The following AATK variants were observed in gnomAD, a reference collection of about 807,000 sequenced individuals.
AATK encodes the protein serine/threonine-protein kinase LMTK1.
AATK carries 91 observed loss-of-function variants against 114.3 expected under a neutral mutation model. That is an observed-to-expected ratio of 0.80 (90% CI 0.67 to 0.95). AATK has a LOEUF of 0.95. Among genes scored for constraint, AATK ranks in the 40% least tolerant of loss-of-function variants. The probability of loss-of-function intolerance (pLI) is 0.00; values close to 1 mark genes in which losing one functional copy is unlikely to be tolerated. For missense variants in AATK, 2,176 were observed against 1,965.2 expected, an observed-to-expected ratio of 1.11 and a Z score of -2.03; for synonymous variants, 1,075 against 916.5, an observed-to-expected ratio of 1.17 and a Z score of -3.12.
At position 81,131,185 on chromosome 17, in the gene AATK, C is replaced by G; in HGVS notation, c.210G>C (p.Gly70=). ...IGFKEFENAE[G]DEYAADLAQG... ...GCGCCAGGTCGGCTGCGTACTCGTC[C>G]CCCTCCGCATTCTCAAACTCCTGCG... is the stretch of plus-strand genomic sequence containing the variant. Residue 70 remains glycine (G), a synonymous_variant, in exon 3 of 14, where the codon GGG becomes GGC. Transcript: ENST00000326724. The G allele has an allele frequency of 6.3e-7, 1 of 1,581,350 alleles. No homozygotes were observed. Among genetic ancestry groups the G allele is most frequent in the South Asian group, 1.2e-5 (1 of 86,864 alleles).
intron 1 of AATK, among the ~76,000 whole-genome samples, chr17:81,143,110 C>T (rs559241599): frequency 4.6e-5 from 7 of 152,206 alleles, no homozygotes; most frequent in African/African-American, 7.2e-5. Flanking sequence ...GGCCTTCCCT[C>T]GAAGGCCACG....
chr17:81,124,895 C>T (rs934767564), intron 8 of AATK, 35 bp downstream of exon 8: 2 of 1,570,836 alleles, frequency 1.3e-6, no homozygotes, highest in Non-Finnish European at 1.7e-6. Flanking sequence ...GGCCCTGCCC[C>T]TCATGCCCAG....
intron 7 of AATK, chr17:81,125,513 C>T (rs1239176392): frequency 5.7e-6 from 2 of 352,080 alleles, no homozygotes; most frequent in Non-Finnish European, 1.2e-5. Flanking sequence ...CTCACTCTCA[C>T]TTGAGCCACC....
At chr17:81,151,481 A>G (rs2061298483) in intron 1 of AATK, among the ~76,000 whole-genome samples, 1 of 152,018 alleles carries the variant, frequency 6.6e-6, no homozygotes. Context: ...GCAGCAGGCC[A>G]CCTGACGCCA....
intron 2 of AATK, chr17:81,132,755 CTCCCCACCAGGGAGCCCAGCGCAGG>C (rs1041671626): frequency 8.3e-6 from 2 of 240,098 alleles, no homozygotes; most frequent in African/African-American, 4.7e-5. Flanking sequence ...CTCAGCACAG[CTCCCCACCAGGGAGCCCAGCGCAGG>C]TCCCCAAATC....
intron 1 of AATK, among the ~76,000 whole-genome samples, chr17:81,148,244 A>G (rs948677042): frequency 1.3e-5 from 2 of 152,074 alleles, no homozygotes; most frequent in African/African-American, 4.8e-5. Flanking sequence ...TTTGATTATC[A>G]CTCAAACCTG....
rs925872627 is a variant in AATK at position 81,160,312 on chromosome 17, C to T, written c.55+5626G>A. 355 of 965,778 alleles carry T rather than the reference C, an allele frequency of 3.7e-4. 2 individuals are homozygous for T. Among genetic ancestry groups the T allele is most frequent in the Middle Eastern group, 5.3e-4 (1 of 1,894 alleles). The allele number at this position is 965,778 out of a possible 1,614,324, so 59.8% of individuals were successfully genotyped here. On this transcript the variant is annotated intron_variant, in intron 1 of 13. Transcript: ENST00000326724. ...AGTGACCCCCGGGAGGACCCCAGCCCGCCCCAGCCCCACCCAAGGCCGCAG... is the reference window on the plus strand; with the variant it reads ...AGTGACCCCCGGGAGGACCCCAGCCTGCCCCAGCCCCACCCAAGGCCGCAG...
intron 1 of AATK, among the ~76,000 whole-genome samples, chr17:81,145,244 A>T (rs1254723420): frequency 4.6e-5 from 4 of 86,924 alleles, no homozygotes; most frequent in Non-Finnish European, 6.9e-5. Flanking sequence ...CAAAAAAAAA[A>T]AAAAAAGAAA....
At chr17:81,124,088 A>C (rs2146294689) in intron 9 of AATK, among the ~76,000 whole-genome samples, 1 of 152,110 alleles carries the variant, frequency 6.6e-6, no homozygotes, top group East Asian at 1.9e-4. Context: ...AGGCCCCAAA[A>C]GCTCAGGGAG....
At chr17:81,150,429 T>C (rs1321971681) in intron 1 of AATK, among the ~76,000 whole-genome samples, 1 of 104,760 alleles carries the variant, frequency 9.5e-6, no homozygotes, top group Non-Finnish European at 1.8e-5. Context: ...TCCCAATGCT[T>C]CCCCCATCCT....
At position 81,127,051 on chromosome 17, in the gene AATK, G is replaced by C. The variant is rs575174053; in HGVS notation, c.622-491C>G. ...AGTGCAGGAGCTGCATATGTGGAAG[G>C]GGGTGGGGGGCAGGTCTCGGGGGAG... is the stretch of plus-strand genomic sequence containing the variant. On this transcript the variant is annotated intron_variant, in intron 6 of 13. Transcript: ENST00000326724. Among the ~76,000 whole-genome samples the C allele has an allele frequency of 2.5e-4, 37 of 150,276 alleles. 1 individual carries two copies. In the South Asian group the frequency reaches 6.8e-3, roughly 28 times the overall value.
intron 1 of AATK, among the ~76,000 whole-genome samples, chr17:81,140,735 GGGCCGGGA>G (rs2061114704): frequency 1.9e-5 from 2 of 103,702 alleles, no homozygotes; most frequent in African/African-American, 7.7e-5. Context: ...GTGAGCCGTG[GGGCCGGGA>G]GACCGTGGGG....
At position 81,131,837 on chromosome 17, in the gene AATK, A is replaced by G. The variant is rs900804973; in HGVS notation, c.190-632T>C. 6.2e-6 allele frequency: 8 copies of G among 1,298,892 alleles called. No individual in the cohort carries two copies. In the African/African-American group the frequency reaches 1.2e-4, roughly 20 times the overall value. 80.5% of individuals were successfully genotyped at this position (1,298,892 alleles called of 1,614,324 possible). ...TAAGTGCCCCCACCCCTGCCGGGAC[A>G]AGGAGCATTCCTGGATGTCTGGGAG... On this transcript the variant is annotated intron_variant, in intron 2 of 13. Transcript: ENST00000326724.
intron 13 of AATK, among the ~76,000 whole-genome samples, chr17:81,119,125 GGGGCCAGGTGA>G (rs879769625): frequency 0.026 from 3,858 of 150,094 alleles, 71 homozygotes; most frequent in African/African-American, 0.048. Flanking sequence ...GCCGAGTGCA[GGGGCCAGGTGA>G]GGGCCAGGTG....
chr17:81,117,663 A>C lies in AATK; in HGVS notation c.*739T>G, dbSNP rs890157910. 2.6e-5 allele frequency: 4 copies of C among 152,296 alleles called. No homozygotes were observed. The highest frequency in any genetic ancestry group is 9.6e-5 in the African/African-American group (4 of 41,458). 9.4% of individuals were successfully genotyped at this position (152,296 alleles called of 1,614,324 possible). A position where few individuals can be genotyped will look rare whatever the true frequency, so the allele number is the denominator to read the frequency against. ...GGGGAGCTGCCTGCACGGTCCTGCC[A>C]AGGGCACCTCTAGAACGGGGCCCAC... On this transcript the variant is annotated 3_prime_UTR_variant, in exon 14 of 14. Transcript: ENST00000326724.
intron 1 of AATK, chr17:81,160,304 C>A (rs893676765): frequency 2.9e-5 from 28 of 963,510 alleles, no homozygotes; most frequent in Non-Finnish European, 3.3e-5. Context: ...CCCGGGAGGA[C>A]CCCAGCCCGC....
At chr17:81,123,502 G>A (rs1166443873) in intron 9 of AATK, among the ~76,000 whole-genome samples, 159 bp from the exon 10 acceptor site, 4 of 152,164 alleles carry the variant, frequency 2.6e-5, no homozygotes, top group Admixed American at 6.5e-5. Flanking sequence ...TGAGGACAGC[G>A]CGTCCTTTCA....
At chr17:81,154,111 T>C (rs1038263140) in intron 1 of AATK, among the ~76,000 whole-genome samples, 8 of 151,836 alleles carry the variant, frequency 5.3e-5, no homozygotes, top group Non-Finnish European at 1.0e-4. Context: ...AGCAGTGCCA[T>C]GTAGAAGATG....
rs1426241781 is a variant in AATK at position 81,117,589 on chromosome 17, CCA to C, written c.*811_*812del. ...CAACACTGACTGCGGGGCATGGCCC[CCA>C]CTCTCCTTTGGCAGCTGGGGCACAG... On this transcript the variant is annotated 3_prime_UTR_variant, in exon 14 of 14. Transcript: ENST00000326724. 2 of 152,324 alleles carry C rather than the reference CCA, an allele frequency of 1.3e-5. No homozygotes were observed. The highest frequency in any genetic ancestry group is 2.9e-5 in the Non-Finnish European group (2 of 68,096). 9.4% of individuals were successfully genotyped at this position (152,324 alleles called of 1,614,324 possible).
Sources: allele counts gnomAD v4.1 joint callset (sites outside exome capture counted in the v4.1 genomes callset), GRCh38; gene constraint gnomAD v4.1.1; transcripts MANE v1.5; gene names NCBI Gene and HGNC (gene_info 2026-07-23, HGNC 2026-07-21).